CPLANE1: variants seen among roughly 807,000 people sequenced by gnomAD.
CPLANE1 encodes the protein ciliogenesis and planar polarity effector 1.
Under a neutral mutation model 362.5 loss-of-function variants are expected in CPLANE1, and 263 were observed. That is an observed-to-expected ratio of 0.73 (90% CI 0.66 to 0.80). The LOEUF (loss-of-function observed/expected upper bound fraction) is 0.80, where lower values mean the gene tolerates loss of function less well. Among genes scored for constraint, CPLANE1 ranks in the 30% least tolerant of loss-of-function variants. The pLI is 0.00. For synonymous variants in CPLANE1, 1,212 were observed against 1,302.6 expected (o/e 0.93, Z 1.50); for missense variants, 3,461 against 3,793.4 (o/e 0.91, Z 2.30).
chr5:37,224,277 C>CT lies in CPLANE1; in HGVS notation c.2556dup (p.Ala853SerfsTer31), dbSNP rs1561655920. ...CCTTTCTCTTCGATTTCTTGTAGAG[C>CT]TTTTTTCCACAGCTGAACAGACTTT... On this transcript the variant is annotated frameshift_variant, in exon 14 of 53. Coordinates refer to ENST00000651892, the MANE Select transcript of CPLANE1 (RefSeq NM_001384732.1). The CT allele has an allele frequency of 2.6e-6, 4 of 1,549,108 alleles. No individual in the cohort carries two copies. Among genetic ancestry groups the CT allele is most frequent in the Non-Finnish European group, 3.5e-6 (4 of 1,145,942 alleles).
rs13356183 is a variant in CPLANE1 at position 37,226,858 on chromosome 5, C to T, written c.1737G>A (p.Ala579=). The T allele has an allele frequency of 2.8e-3, 4,269 of 1,551,234 alleles. 108 individuals are homozygous for T. The African/African-American group carries it at 0.049, about 18-fold the overall frequency. The change falls in exon 12 of 53, where the codon GCG becomes GCA. Residue 579 remains alanine (A), a synonymous_variant. Transcript: ENST00000651892. ...LHSIQKSLLA[A]WTIGISKTVT... ...CAGTTTTTGAAATTCCTATAGTCCA[C>T]GCTGCAAGTAGACTTTTCTGGATAG...
chr5:37,243,735 T>C (rs1200387425), intron 5 of CPLANE1, among the ~76,000 whole-genome samples: 1 of 146,270 alleles, frequency 6.8e-6, no homozygotes, highest in East Asian at 2.0e-4. Flanking sequence ...GTATTATATA[T>C]AATATATAAT....
intron 2 of CPLANE1, among the ~76,000 whole-genome samples, chr5:37,246,928 A>T (rs1349530239): frequency 3.9e-5 from 6 of 152,150 alleles, no homozygotes; most frequent in Admixed American, 2.6e-4. Context: ...ATAAAAAAAT[A>T]CAAAATATCC....
At chr5:37,199,404 T>G (rs888459909) in intron 19 of CPLANE1, among the ~76,000 whole-genome samples, 2 of 152,170 alleles carry the variant, frequency 1.3e-5, no homozygotes, top group African/African-American at 2.4e-5. Flanking sequence ...CTACTTATAT[T>G]TCAATGTTAC....
Position 37,114,957 on chromosome 5 carries a change from T to C in CPLANE1, c.9400+3A>G. The C allele has an allele frequency of 6.3e-7, 1 of 1,581,428 alleles. No homozygotes were observed. Among genetic ancestry groups the C allele is most frequent in the South Asian group, 1.1e-5 (1 of 89,426 alleles). ...TAAAAACTTTATCTTCTTTATCCCT[T>C]ACCTTTTTGGAAGGTAACTGGAGAC... On this transcript the variant is annotated splice_donor_region_variant and intron_variant, in intron 51 of 52. Transcript: ENST00000651892.
chr5:37,201,823 A>C lies in CPLANE1; in HGVS notation c.3290-15T>G. 6.4e-7 allele frequency: 1 copy of C among 1,560,486 alleles called. No individual in the cohort carries two copies. Among genetic ancestry groups the C allele is most frequent in the Non-Finnish European group, 8.8e-7 (1 of 1,141,456 alleles). ...TTCAATGGGATCTATCAAATACAAA[A>C]ATTTGGTAAAATAGTTAAAGCTTGT... On this transcript the variant is annotated splice_polypyrimidine_tract_variant and intron_variant, in intron 18 of 52. Transcript: ENST00000651892.
chr5:37,173,978 G>A (rs1372506780), intron 31 of CPLANE1, 31 bp from the exon 32 acceptor site: 2 of 1,563,464 alleles, frequency 1.3e-6, no homozygotes, highest in African/African-American at 1.4e-5. Context: ...TAAAAAACAT[G>A]CATTAAAATT....
chr5:37,156,735 T>C (rs1188851468), intron 41 of CPLANE1, among the ~76,000 whole-genome samples: 1 of 152,164 alleles, frequency 6.6e-6, no homozygotes, highest in East Asian at 1.9e-4. Context: ...ACTATTGAAT[T>C]GCATACACCT....
At chr5:37,105,634 G>A (rs1757533213), downstream of CPLANE1, among the ~76,000 whole-genome samples, 1 of 152,118 alleles carries the variant, frequency 6.6e-6, no homozygotes, top group South Asian at 2.1e-4. Flanking sequence ...AACCTCAAAA[G>A]CACAGGCAAT....
At chr5:37,202,686 T>C (rs1789537898) in intron 18 of CPLANE1, among the ~76,000 whole-genome samples, 1 of 152,160 alleles carries the variant, frequency 6.6e-6, no homozygotes, top group African/African-American at 2.4e-5. Flanking sequence ...CTGTAAAATA[T>C]AGAATATATG....
At chr5:37,168,253 G>A (rs1778836757) in intron 34 of CPLANE1, among the ~76,000 whole-genome samples, 1 of 152,112 alleles carries the variant, frequency 6.6e-6, no homozygotes, top group Non-Finnish European at 1.5e-5. Flanking sequence ...AATTTAACCT[G>A]TCAAAGATTT....
At chr5:37,132,639 C>G (rs931485250) in intron 46 of CPLANE1, among the ~76,000 whole-genome samples, 4 of 152,100 alleles carry the variant, frequency 2.6e-5, no homozygotes, top group South Asian at 2.1e-4. Context: ...GAGCCACCGC[C>G]CCCAGCCCAA....
At position 37,165,522 on chromosome 5, in the gene CPLANE1, T is replaced by C. The variant is rs761432496; in HGVS notation, c.7533+17A>G. On this transcript the variant is annotated intron_variant, in intron 36 of 52. Transcript: ENST00000651892. Reference sequence around the variant, plus strand: ...TACATGCAAACCAGGGAAGAATCTATAGCAGTTTTTCTATACCTTGGGTTT... The same window carrying C: ...TACATGCAAACCAGGGAAGAATCTACAGCAGTTTTTCTATACCTTGGGTTT... 3.1e-6 allele frequency: 5 copies of C among 1,607,504 alleles called. No individual in the cohort carries two copies. The highest frequency in any genetic ancestry group is 4.2e-6 in the Non-Finnish European group (5 of 1,177,406).
intron 16 of CPLANE1, chr5:37,212,410 C>A: frequency 2.6e-6 from 2 of 759,612 alleles, no homozygotes; most frequent in Non-Finnish European, 2.5e-6. Context: ...TTCTAACTTA[C>A]ATACCATGAG....
At chr5:37,165,187 T>G (rs1777909662) in intron 36 of CPLANE1, among the ~76,000 whole-genome samples, 1 of 152,190 alleles carries the variant, frequency 6.6e-6, no homozygotes, top group Admixed American at 6.5e-5. Context: ...TGGGAAATCC[T>G]AGAGGAATCT....
chr5:37,169,531 G>T lies in CPLANE1; in HGVS notation c.6493C>A (p.Gln2165Lys). The change falls in exon 34 of 53, where the codon CAA becomes AAA. Residue 2165 changes from glutamine to lysine, a missense_variant. By Grantham distance (53) the Gln-to-Lys change is moderately conservative. Around this residue, in one of 2 missense-constraint regions of CPLANE1, gnomAD observed 3,380 missense variants for 3,666.1 expected, o/e 0.92. Transcript: ENST00000651892. ...NVPHGSIPLC[Q>K]LNGQPRKKGP... ...TTTTTCCGGGGCTGGCCATTTAATT[G>T]ACATAAAGGAATACTCCCATGTGGA... 1 of 1,612,406 alleles carries T rather than the reference G, an allele frequency of 6.2e-7. No homozygotes were observed. Among genetic ancestry groups the T allele is most frequent in the South Asian group, 1.1e-5 (1 of 90,850 alleles).
intron 17 of CPLANE1, among the ~76,000 whole-genome samples, chr5:37,205,656 T>C (rs1291135442): frequency 6.6e-6 from 1 of 152,236 alleles, no homozygotes; most frequent in Non-Finnish European, 1.5e-5. Flanking sequence ...CCCCCCATTC[T>C]TATTTCTAAT....
chr5:37,142,929 T>C (rs1770238404), intron 43 of CPLANE1, among the ~76,000 whole-genome samples: 1 of 152,196 alleles, frequency 6.6e-6, no homozygotes, highest in Non-Finnish European at 1.5e-5. Context: ...TCATGTATCT[T>C]AGAGCACTGA....
chr5:37,210,610 A>G, intron 16 of CPLANE1: 2 of 1,596,638 alleles, frequency 1.3e-6, no homozygotes, highest in Middle Eastern at 1.7e-4. Context: ...GTCAAAGCCC[A>G]GTCTTTGGCA....
Sources: gnomAD v4.1 joint callset for allele counts (sites outside exome capture counted in the v4.1 genomes callset) on GRCh38, gnomAD v4.1.1 for gene constraint, gnomAD v4.1.1 regional missense constraint, MANE v1.5 for transcripts, NCBI Gene and HGNC (gene_info 2026-07-23, HGNC 2026-07-21) for gene names.